Variants in SV2C observed in about 807,000 individuals in gnomAD.
SV2C encodes the protein synaptic vesicle glycoprotein 2C.
A neutral mutation model predicts 79.7 loss-of-function variants in SV2C; 49 were observed. The observed-to-expected ratio is 0.61, with a 90% CI of 0.49 to 0.78. SV2C has a LOEUF of 0.78. Ranked by LOEUF, SV2C falls within the 30% of genes least tolerant of loss-of-function variation. The pLI, the probability that SV2C is intolerant of heterozygous loss-of-function variation, is 0.00. For synonymous variants in SV2C, 334 were observed against 333.2 expected, an observed-to-expected ratio of 1.00 and a Z score of -0.03; for missense variants, 833 against 912.9, an observed-to-expected ratio of 0.91 and a Z score of 1.13.
In SV2C at chr5:76,325,751, G is replaced by T; in HGVS notation, c.*204G>T. ...GTTGTTTGTTTGTTTTGTTTTGTTTGAATGCATTGTTATCTTTCCAAACTG... is the reference window on the plus strand; with the variant it reads ...GTTGTTTGTTTGTTTTGTTTTGTTTTAATGCATTGTTATCTTTCCAAACTG... On this transcript the variant is annotated 3_prime_UTR_variant, in exon 13 of 13. Coordinates refer to ENST00000502798, the MANE Select transcript of SV2C (RefSeq NM_014979.4). The T allele has an allele frequency of 3.0e-6, 2 of 670,796 alleles. No homozygotes were observed. Among genetic ancestry groups the T allele is most frequent in the East Asian group, 3.1e-5 (1 of 32,714 alleles). The allele number at this position is 670,796 out of a possible 1,614,324, so 41.6% of individuals were successfully genotyped here. A position where few individuals can be genotyped will look rare whatever the true frequency, so the allele number is the denominator to read the frequency against.
chr5:75,958,181 A>G, the SV2C span, among the ~76,000 whole-genome samples: 37 of 152,130 alleles, frequency 2.4e-4, no homozygotes, highest in Admixed American at 4.6e-4. Context: ...CTCCTGGCAT[A>G]CTACTGAACT....
the SV2C span, among the ~76,000 whole-genome samples, chr5:75,961,130 C>CA: frequency 2.0e-5 from 3 of 151,918 alleles, no homozygotes; most frequent in Admixed American, 6.6e-5. Flanking sequence ...TCTACCTTGC[C>CA]AATATATTTT....
chr5:76,254,352 A>T (rs1364735629), intron 4 of SV2C, among the ~76,000 whole-genome samples: 1 of 152,096 alleles, frequency 6.6e-6, no homozygotes, highest in African/African-American at 2.4e-5. Context: ...CATTATTTGC[A>T]TCCCTACTTT....
At position 76,325,487 on chromosome 5, in the gene SV2C, C is replaced by G. The variant is rs1000856138; in HGVS notation, c.2124C>G (p.Leu708=). 6.2e-7 allele frequency: 1 copy of G among 1,614,036 alleles called. No homozygotes were observed. Among genetic ancestry groups the G allele is most frequent in the Admixed American group, 1.7e-5 (1 of 59,990 alleles). ...CCATCCTGCTGGCTTCTACTGTGCT[C>G]GTGTGTGGAGGACTCGTTGGGCTGT... is the stretch of plus-strand genomic sequence containing the variant. The part of the protein sequence containing the change: ...SIPILLASTV[L]VCGGLVGLCL... The change falls in exon 13 of 13, where the codon CTC becomes CTG. Residue 708 remains leucine, a synonymous_variant. Transcript: ENST00000502798.
intron 2 of SV2C, among the ~76,000 whole-genome samples, chr5:76,168,486 A>C (rs1429717727): frequency 6.6e-6 from 1 of 152,264 alleles, no homozygotes; most frequent in South Asian, 2.1e-4. Context: ...GTAGCAGAAA[A>C]TGTGCTCATA....
At chr5:76,017,888 T>G in the SV2C span, among the ~76,000 whole-genome samples, 1 of 152,146 alleles carries the variant, frequency 6.6e-6, no homozygotes, top group African/African-American at 2.4e-5. Context: ...TTCCACTATT[T>G]TTGCTACAAA....
chr5:76,348,037 GT>G (rs1283775557), intron 12 of SV2C, among the ~76,000 whole-genome samples: 2 of 152,070 alleles, frequency 1.3e-5, no homozygotes, highest in African/African-American at 4.8e-5. Context: ...ATACAGAATA[GT>G]TTCACTGACT....
chr5:76,197,572 T>G (rs531858021), intron 3 of SV2C, among the ~76,000 whole-genome samples: 6 of 151,508 alleles, frequency 4.0e-5, no homozygotes, highest in Admixed American at 3.3e-4. Flanking sequence ...CTCTGCAGAG[T>G]TTTGTGGGAT....
At chr5:76,244,418 T>C (rs1375969084) in intron 4 of SV2C, among the ~76,000 whole-genome samples, 1 of 152,202 alleles carries the variant, frequency 6.6e-6, no homozygotes, top group Non-Finnish European at 1.5e-5. Flanking sequence ...AAATATAACA[T>C]GAGCCACAAA....
intron 12 of SV2C, among the ~76,000 whole-genome samples, chr5:76,351,904 A>T (rs1749649653): frequency 6.6e-6 from 1 of 152,162 alleles, no homozygotes; most frequent in Admixed American, 6.5e-5. Context: ...TACAGAGGAT[A>T]AAATCTCACT....
chr5:76,254,172 G>GTA (rs34415336), intron 4 of SV2C, among the ~76,000 whole-genome samples: 8 of 119,252 alleles, frequency 6.7e-5, no homozygotes, highest in South Asian at 2.5e-4. Flanking sequence ...GTGTGTGTGT[G>GTA]TATATATATG....
At chr5:75,884,953 A>G in the SV2C span, among the ~76,000 whole-genome samples, 1 of 152,174 alleles carries the variant, frequency 6.6e-6, no homozygotes, top group Admixed American at 6.6e-5. Flanking sequence ...TTAAGATGCT[A>G]AATAACACTT....
At chr5:75,975,061 T>C in the SV2C span, among the ~76,000 whole-genome samples, 1 of 152,158 alleles carries the variant, frequency 6.6e-6, no homozygotes, top group African/African-American at 2.4e-5. Context: ...GTTGAATCCA[T>C]TACTTTGCAG....
At chr5:76,138,328 G>A (rs2112201275) in intron 2 of SV2C, among the ~76,000 whole-genome samples, 1 of 152,130 alleles carries the variant, frequency 6.6e-6, no homozygotes, top group Non-Finnish European at 1.5e-5. Flanking sequence ...ACTTTCAATG[G>A]GGATAACCCT....
At chr5:76,080,523 T>C (rs543004152), upstream of SV2C, among the ~76,000 whole-genome samples, 15 of 152,340 alleles carry the variant, frequency 9.8e-5, no homozygotes, top group South Asian at 3.1e-3. Context: ...TGACATTTAT[T>C]CTATACCCAT....
chr5:75,949,801 C>T, the SV2C span, among the ~76,000 whole-genome samples: 1 of 152,056 alleles, frequency 6.6e-6, no homozygotes, highest in Non-Finnish European at 1.5e-5. Context: ...ATGTCTTTAT[C>T]TGCAGTGTGA....
the SV2C span, among the ~76,000 whole-genome samples, chr5:75,952,164 C>A: frequency 6.6e-6 from 1 of 151,674 alleles, no homozygotes; most frequent in Non-Finnish European, 1.5e-5. Flanking sequence ...AAAAATGAAA[C>A]AACCCTGATC....
chr5:76,245,325 G>C (rs1043135242), intron 4 of SV2C, among the ~76,000 whole-genome samples: 2 of 152,168 alleles, frequency 1.3e-5, no homozygotes, highest in African/African-American at 4.8e-5. Context: ...TGCTAGAATG[G>C]AGAAACAGGC....
At chr5:76,255,556 G>C (rs952491471) in intron 4 of SV2C, among the ~76,000 whole-genome samples, 1 of 152,160 alleles carries the variant, frequency 6.6e-6, no homozygotes, top group Non-Finnish European at 1.5e-5. Context: ...TGGCCCCACT[G>C]TCCTAGCTTG....
Sources: allele counts gnomAD v4.1 joint callset (sites outside exome capture counted in the v4.1 genomes callset), GRCh38; gene constraint gnomAD v4.1.1; transcripts MANE v1.5; gene names NCBI Gene and HGNC (gene_info 2026-07-23, HGNC 2026-07-21).